IKZF3: variants seen among roughly 807,000 people sequenced by gnomAD.
IKZF3 encodes the protein IKAROS family zinc finger 3.
A neutral mutation model predicts 49.0 loss-of-function variants in IKZF3; 10 were observed. The ratio of observed to expected loss-of-function variants is 0.20; its 90% CI spans 0.13 to 0.35. The LOEUF is 0.35. Among genes scored for constraint, IKZF3 ranks in the 10% least tolerant of loss-of-function variants. The probability of loss-of-function intolerance (pLI) is 1.00; values close to 1 mark genes in which losing one functional copy is unlikely to be tolerated. For missense variants in IKZF3, 498 were observed against 664.8 expected, an observed-to-expected ratio of 0.75 and a Z score of 2.76; for synonymous variants, 209 against 228.2, an observed-to-expected ratio of 0.92 and a Z score of 0.76.
chr17:39,800,073 A>C (rs1598046927), intron 3 of IKZF3, among the ~76,000 whole-genome samples: 1 of 152,218 alleles, frequency 6.6e-6, no homozygotes, highest in Non-Finnish European at 1.5e-5. Flanking sequence ...TAAAGGCAGA[A>C]AATCTTAAAG....
Position 39,792,756 on chromosome 17 carries a change from G to A in IKZF3, c.341C>T (p.Thr114Ile). The A allele has an allele frequency of 6.2e-7, 1 of 1,614,066 alleles. No individual in the cohort carries two copies. Among genetic ancestry groups the A allele is most frequent in the Non-Finnish European group, 8.5e-7 (1 of 1,179,966 alleles). ...HVVSFDSSRPTSGKMNCDVCG... is the reference protein window; with the variant it reads ...HVVSFDSSRPISGKMNCDVCG... ...CACATCGCAGTTCATCTTTCCACTG[G>A]TTGGCCTGCTACTATCGAATGAGAC... Residue 114 changes from threonine (T) to isoleucine (I), a missense_variant, in exon 4 of 8, where the codon ACC (threonine) becomes ATC (isoleucine). Physicochemically the swap from Thr to Ile is moderately conservative, Grantham distance 89. Coordinates refer to ENST00000346872, the MANE Select transcript of IKZF3 (RefSeq NM_012481.5).
chr17:39,773,319 G>A (rs1164069868), intron 7 of IKZF3, among the ~76,000 whole-genome samples: 2 of 152,202 alleles, frequency 1.3e-5, no homozygotes, highest in African/African-American at 2.4e-5. Context: ...AGCCTCACTG[G>A]TGGTTCCTAA....
At chr17:39,777,822 AG>A in intron 6 of IKZF3, 55 bp from the exon 7 acceptor site, 3 of 1,586,476 alleles carry the variant, frequency 1.9e-6, no homozygotes, top group Non-Finnish European at 2.6e-6. Flanking sequence ...GTACATGGGG[AG>A]AAAAGGAAAT....
At chr17:39,850,094 AG>A (rs1369102860) in intron 1 of IKZF3, among the ~76,000 whole-genome samples, 1 of 96,064 alleles carries the variant, frequency 1.0e-5, no homozygotes, top group African/African-American at 2.8e-5. Flanking sequence ...TATACTATAT[AG>A]CATATTATAT....
chr17:39,796,491 T>A (rs2061165054), intron 3 of IKZF3, among the ~76,000 whole-genome samples: 1 of 151,982 alleles, frequency 6.6e-6, no homozygotes, highest in African/African-American at 2.4e-5. Context: ...GCAATTTGGT[T>A]TCACCTTTCA....
chr17:39,822,948 G>T (rs2061850398), intron 3 of IKZF3, among the ~76,000 whole-genome samples: 1 of 152,090 alleles, frequency 6.6e-6, no homozygotes, highest in Non-Finnish European at 1.5e-5. Context: ...AGAGTGGGGT[G>T]CTGCTATAAA....
chr17:39,832,137 C>T lies in IKZF3; in HGVS notation c.22G>A (p.Ala8Thr). 2 of 1,612,216 alleles carry T rather than the reference C, an allele frequency of 1.2e-6. No homozygotes were observed. The highest frequency in any genetic ancestry group is 2.2e-5 in the East Asian group (1 of 44,784). MEDIQTN[A>T]ELKSTQEQSV... ...TGCTCCTGAGTGCTTTTCAGTTCCG[C>T]ATTTGTTTGTATATCTGAAAAGAAA... Residue 8 changes from alanine to threonine, a missense_variant, in exon 2 of 8, where the codon GCG becomes ACG. This residue lies in a region of IKZF3 where 97 missense variants were observed against 98.9 expected (regional missense o/e 0.98). Coordinates refer to ENST00000346872, the MANE Select transcript of IKZF3 (RefSeq NM_012481.5).
intron 1 of IKZF3, among the ~76,000 whole-genome samples, chr17:39,850,806 G>GTA (rs1491315990): frequency 9.1e-6 from 1 of 109,694 alleles, no homozygotes; most frequent in Non-Finnish European, 1.8e-5. Flanking sequence ...ATGCTATATA[G>GTA]TATATATACA....
chr17:39,772,410 G>A (rs756123074), intron 7 of IKZF3, among the ~76,000 whole-genome samples: 4 of 152,270 alleles, frequency 2.6e-5, no homozygotes, highest in South Asian at 2.1e-4. Flanking sequence ...TTGCTGCTGC[G>A]TCATATAATT....
At chr17:39,839,718 G>A (rs755613024) in intron 1 of IKZF3, among the ~76,000 whole-genome samples, 3 of 152,004 alleles carry the variant, frequency 2.0e-5, no homozygotes, top group Non-Finnish European at 4.4e-5. Context: ...GGGACTATAG[G>A]TGCAATCACA....
At chr17:39,827,048 A>AGTGCAGTG (rs1451157940) in intron 3 of IKZF3, among the ~76,000 whole-genome samples, 3 of 152,124 alleles carry the variant, frequency 2.0e-5, no homozygotes, top group Admixed American at 6.5e-5. Flanking sequence ...CCCAGGCTGG[A>AGTGCAGTG]GTGCAGTGGT....
intron 5 of IKZF3, among the ~76,000 whole-genome samples, chr17:39,789,532 C>CTAA (rs1254922150): frequency 6.6e-6 from 1 of 151,240 alleles, no homozygotes; most frequent in Non-Finnish European, 1.5e-5. Context: ...CACTGCATCC[C>CTAA]AGCCTGGGCG....
At position 39,765,755 on chromosome 17, in the gene IKZF3, C is replaced by A; in HGVS notation, c.*35G>T. The stretch of plus-strand genomic sequence containing the variant: ...AGGTCATTGGTTTTTAGAAACGATG[C>A]TGAATACATAGGAGCAATCCCTGAG... On this transcript the variant is annotated 3_prime_UTR_variant, in exon 8 of 8. Coordinates refer to ENST00000346872, the MANE Select transcript of IKZF3 (RefSeq NM_012481.5). 1 of 1,494,172 alleles carries A rather than the reference C, an allele frequency of 6.7e-7. No individual in the cohort carries two copies. The highest frequency in any genetic ancestry group is 1.2e-5 in the South Asian group (1 of 80,146). The allele number at this position is 1,494,172 out of a possible 1,614,324, so 92.6% of individuals were successfully genotyped here.
At chr17:39,767,580 T>C (rs1484884623) in intron 7 of IKZF3, among the ~76,000 whole-genome samples, 6 of 152,038 alleles carry the variant, frequency 3.9e-5, no homozygotes, top group African/African-American at 1.5e-4. Context: ...TGTTTCCTAG[T>C]CATGTTGAGA....
At chr17:39,832,510 C>CATATATATATGTACAT (rs2062141129) in intron 1 of IKZF3, among the ~76,000 whole-genome samples, 1 of 148,850 alleles carries the variant, frequency 6.7e-6, no homozygotes, top group Non-Finnish European at 1.5e-5. Flanking sequence ...TATATATGTA[C>CATATATATATGTACAT]ATATATATGT....
Position 39,832,132 on chromosome 17 carries a change from T to C in IKZF3, c.27A>G (p.Glu9=). 1 of 1,612,760 alleles carries C rather than the reference T, an allele frequency of 6.2e-7. No homozygotes were observed. The highest frequency in any genetic ancestry group is 8.5e-7 in the Non-Finnish European group (1 of 1,178,996). The part of the protein sequence containing the change: MEDIQTNA[E]LKSTQEQSVP... Reference sequence around the variant, plus strand: ...CAGACTGCTCCTGAGTGCTTTTCAGTTCCGCATTTGTTTGTATATCTGAAA... The same window carrying C: ...CAGACTGCTCCTGAGTGCTTTTCAGCTCCGCATTTGTTTGTATATCTGAAA... The change falls in exon 2 of 8, where the codon GAA becomes GAG. Residue 9 remains glutamate (E), a synonymous_variant. Transcript: ENST00000346872.
intron 3 of IKZF3, among the ~76,000 whole-genome samples, chr17:39,820,075 T>A (rs2061769023): frequency 6.6e-6 from 1 of 152,150 alleles, no homozygotes; most frequent in East Asian, 1.9e-4. Flanking sequence ...ATTGCACACC[T>A]ACCACAGTAG....
intron 2 of IKZF3, 22 bp downstream of exon 2, chr17:39,832,074 CAG>C: frequency 6.3e-7 from 1 of 1,576,848 alleles, no homozygotes; most frequent in Non-Finnish European, 8.7e-7. Context: ...GGTATATTTC[CAG>C]AGAGGAAAGA....
chr17:39,768,180 AG>A, intron 7 of IKZF3, among the ~76,000 whole-genome samples: 1 of 152,250 alleles, frequency 6.6e-6, no homozygotes. Flanking sequence ...GGTAACATAC[AG>A]GCATCGGTGA....
Sources: gnomAD v4.1 joint callset for allele counts (sites outside exome capture counted in the v4.1 genomes callset) on GRCh38, gnomAD v4.1.1 for gene constraint, gnomAD v4.1.1 regional missense constraint, MANE v1.5 for transcripts, NCBI Gene and HGNC (gene_info 2026-07-23, HGNC 2026-07-21) for gene names.